The following CLECL1 variants were observed in gnomAD, a reference collection of about 807,000 sequenced individuals.
CLECL1 encodes C-type lectin-like domain family 1.
downstream of CLECL1, among the ~76,000 whole-genome samples, chr12:9,711,654 T>G (rs1410143090): frequency 6.6e-6 from 1 of 152,082 alleles, no homozygotes; most frequent in East Asian, 1.9e-4. Context: ...TTTTTTTTTT[T>G]GCAGTGGTCC....
At chr12:9,710,555 C>T in the CLECL1 span, among the ~76,000 whole-genome samples, 799 of 152,278 alleles carry the variant, frequency 5.2e-3, 10 homozygotes, top group African/African-American at 0.019. Context: ...AGGTATTTCC[C>T]GCCCAAATGT....
chr12:9,710,593 C>G, the CLECL1 span, among the ~76,000 whole-genome samples: 1 of 152,192 alleles, frequency 6.6e-6, no homozygotes, highest in East Asian at 1.9e-4. Flanking sequence ...CCCTGGCCTG[C>G]CATGCCCCCA....
At chr12:9,731,230 G>GCATA (rs1305607749) in intron 1 of CLECL1, among the ~76,000 whole-genome samples, 4 of 152,112 alleles carry the variant, frequency 2.6e-5, no homozygotes, top group African/African-American at 9.7e-5. Context: ...GAACCAATGA[G>GCATA]CATACATATA....
chr12:9,709,928 G>C, the CLECL1 span, among the ~76,000 whole-genome samples: 1 of 152,180 alleles, frequency 6.6e-6, no homozygotes, highest in African/African-American at 2.4e-5. Context: ...GGCCCAGGAA[G>C]AGAGAGGAAA....
chr12:9,724,454 T>A (rs893709463), intron 3 of CLECL1, among the ~76,000 whole-genome samples: 1 of 152,090 alleles, frequency 6.6e-6, no homozygotes, highest in African/African-American at 2.4e-5. Flanking sequence ...CTGTGCTTAA[T>A]GACATAATAG....
intron 2 of CLECL1, among the ~76,000 whole-genome samples, chr12:9,727,695 A>G (rs2121059675): frequency 6.6e-6 from 1 of 151,954 alleles, no homozygotes; most frequent in East Asian, 1.9e-4. Context: ...TGAAAGAAGA[A>G]ACATGTTTTT....
downstream of CLECL1, among the ~76,000 whole-genome samples, chr12:9,720,601 C>T (rs796754203): frequency 5.1e-4 from 77 of 152,168 alleles, no homozygotes; most frequent in African/African-American, 1.5e-3. Context: ...GTTGGCCCCC[C>T]AAGTGCTGGG....
chr12:9,733,520 C>A (rs1360328899), upstream of CLECL1, among the ~76,000 whole-genome samples: 1 of 152,108 alleles, frequency 6.6e-6, no homozygotes, highest in African/African-American at 2.4e-5. Flanking sequence ...GTCTTTTATC[C>A]TCCTCTCTAA....
At chr12:9,719,132 G>A (rs770226715), downstream of CLECL1, among the ~76,000 whole-genome samples, 2 of 152,186 alleles carry the variant, frequency 1.3e-5, no homozygotes, top group Non-Finnish European at 2.9e-5. Context: ...TGTGGGCTTT[G>A]AGTTAATCAT....
intron 3 of CLECL1, among the ~76,000 whole-genome samples, chr12:9,724,153 C>T (rs1204686300): frequency 6.9e-6 from 1 of 144,880 alleles, no homozygotes; most frequent in Non-Finnish European, 1.5e-5. Flanking sequence ...TGTCACACTG[C>T]ACTCCAGCCA....
At chr12:9,733,757 T>C (rs10844626), upstream of CLECL1, among the ~76,000 whole-genome samples, 48,285 of 152,120 alleles carry the variant, frequency 0.32, 8,004 homozygotes, top group South Asian at 0.46. Flanking sequence ...AGAAATTTAC[T>C]ATCGAATACA....
At chr12:9,731,720 T>G (rs2121068031) in intron 1 of CLECL1, among the ~76,000 whole-genome samples, 1 of 152,332 alleles carries the variant, frequency 6.6e-6, no homozygotes, top group African/African-American at 2.4e-5. Context: ...TTTTTAGCAT[T>G]CTAAGATTGA....
intron 3 of CLECL1, among the ~76,000 whole-genome samples, chr12:9,724,204 G>C (rs1451160721): frequency 6.8e-6 from 1 of 146,570 alleles, no homozygotes; most frequent in Non-Finnish European, 1.5e-5. Context: ...AAAAGAAAAA[G>C]AAAAAGAAAA....
the CLECL1 span, among the ~76,000 whole-genome samples, chr12:9,702,720 TA>T: frequency 6.6e-6 from 1 of 152,138 alleles, no homozygotes; most frequent in Non-Finnish European, 1.5e-5. Context: ...TTATGTAAAA[TA>T]ACTAACTTTC....
exon 4 of CLECL1, chr12:9,722,740 G>A (rs1295684859): frequency 1.9e-6 from 3 of 1,613,890 alleles, no homozygotes; most frequent in Admixed American, 3.3e-5. Flanking sequence ...CAGCAATCCA[G>A]TAACATTTTC....
chr12:9,705,044 C>G, the CLECL1 span, among the ~76,000 whole-genome samples: 1 of 152,274 alleles, frequency 6.6e-6, no homozygotes, highest in East Asian at 1.9e-4. Context: ...TAAAAGCATT[C>G]CTTTTTCAAC....
downstream of CLECL1, among the ~76,000 whole-genome samples, chr12:9,720,102 T>A (rs141013690): frequency 7.8e-4 from 119 of 152,254 alleles, 1 homozygote; most frequent in East Asian, 0.019. Flanking sequence ...CCTGGCCTGC[T>A]CAGGTCTCTG....
At chr12:9,716,161 T>A (rs974313762) in exon 3 of CLECL1, 1 of 152,380 alleles carries the variant, frequency 6.6e-6, no homozygotes, top group African/African-American at 2.4e-5. Context: ...CTCACCACTG[T>A]GTTTCTGCCT....
intron 2 of CLECL1, among the ~76,000 whole-genome samples, chr12:9,729,028 A>G (rs1296305308): frequency 6.6e-6 from 1 of 152,022 alleles, no homozygotes; most frequent in East Asian, 1.9e-4. Flanking sequence ...TGTTCTACAG[A>G]TATTTGTAAG....
Sources: gnomAD v4.1 joint callset for allele counts (sites outside exome capture counted in the v4.1 genomes callset) on GRCh38, gnomAD v4.1.1 for gene constraint, MANE v1.5 for transcripts, NCBI Gene and HGNC (gene_info 2026-07-23, HGNC 2026-07-21) for gene names.